Variants in CRPPA observed in about 807,000 individuals in gnomAD.
CRPPA encodes the protein CDP-L-ribitol pyrophosphorylase A, also known as D-ribitol-5-phosphate cytidylyltransferase.
In CRPPA, 43 loss-of-function variants were observed where a neutral mutation model predicts 52.0. The ratio of observed to expected loss-of-function variants is 0.83; its 90% CI spans 0.65 to 1.07. The LOEUF (loss-of-function observed/expected upper bound fraction) is 1.07, where lower values mean the gene tolerates loss of function less well. Ranked by LOEUF, CRPPA falls within the 50% of genes least tolerant of loss-of-function variation. The pLI is 0.00. For missense variants in CRPPA, 629 were observed against 551.7 expected (o/e 1.14, Z -1.40); for synonymous variants, 250 against 203.5 (o/e 1.23, Z -1.94).
At chr7:16,399,356 T>C (rs1245181014) in intron 2 of CRPPA, among the ~76,000 whole-genome samples, 1 of 150,216 alleles carries the variant, frequency 6.7e-6, no homozygotes, top group African/African-American at 2.5e-5. Flanking sequence ...ATGACTGACA[T>C]GATTGACGTG....
At chr7:16,268,154 T>C (rs1312758459) in intron 6 of CRPPA, among the ~76,000 whole-genome samples, 1 of 151,888 alleles carries the variant, frequency 6.6e-6, no homozygotes, top group East Asian at 1.9e-4. Flanking sequence ...ATTGATATTG[T>C]ACTGCAAATG....
At chr7:16,223,032 C>G (rs887512515) in intron 8 of CRPPA, among the ~76,000 whole-genome samples, 13 of 152,114 alleles carry the variant, frequency 8.5e-5, no homozygotes, top group African/African-American at 3.1e-4. Flanking sequence ...TGGCTCATTC[C>G]TGTAATCCCA....
intron 9 of CRPPA, among the ~76,000 whole-genome samples, chr7:16,185,252 T>C (rs904326003): frequency 3.9e-5 from 6 of 152,272 alleles, no homozygotes; most frequent in Admixed American, 6.5e-5. Context: ...GAAACTCCCC[T>C]TTATAAAACC....
At chr7:16,206,909 T>A (rs1426139500) in intron 9 of CRPPA, among the ~76,000 whole-genome samples, 1 of 152,126 alleles carries the variant, frequency 6.6e-6, no homozygotes, top group East Asian at 1.9e-4. Flanking sequence ...GAAGTTTGAA[T>A]CTTAATTAAA....
chr7:16,164,939 G>A (rs535905860), intron 9 of CRPPA, among the ~76,000 whole-genome samples: 112 of 152,112 alleles, frequency 7.4e-4, no homozygotes, highest in Admixed American at 1.1e-3. Context: ...GGAGGTGTAT[G>A]TCGACTCCTG....
In CRPPA at chr7:16,260,165, C is replaced by T. The variant is rs189960631; in HGVS notation, c.934-1153G>A. On this transcript the variant is annotated intron_variant, in intron 6 of 9. Coordinates refer to ENST00000407010, the MANE Select transcript of CRPPA (RefSeq NM_001101426.4). ...TACAGGGAGACAATTTTTCAAAAGT[C>T]CTTCATGTATTCAAACATTTTCAAA... Among the ~76,000 whole-genome samples the T allele has an allele frequency of 3.9e-5, 6 of 152,146 alleles. No homozygotes were observed. In the East Asian group the frequency reaches 1.2e-3, roughly 29 times the overall value.
chr7:16,204,209 C>T (rs1166976616), intron 9 of CRPPA, among the ~76,000 whole-genome samples: 1 of 152,000 alleles, frequency 6.6e-6, no homozygotes, highest in Non-Finnish European at 1.5e-5. Context: ...TACACACTTC[C>T]ATCTACAATG....
chr7:16,407,924 T>C (rs990885558), intron 1 of CRPPA, among the ~76,000 whole-genome samples: 21 of 151,808 alleles, frequency 1.4e-4, no homozygotes, highest in African/African-American at 2.4e-4. Context: ...CTGGCCAACA[T>C]AGTGAAACTC....
chr7:16,357,820 A>G (rs1218102562), intron 3 of CRPPA, among the ~76,000 whole-genome samples: 1 of 152,140 alleles, frequency 6.6e-6, no homozygotes, highest in Non-Finnish European at 1.5e-5. Context: ...GAAGGAACAT[A>G]CCCTCTCCAT....
chr7:16,392,890 A>G (rs941650241), intron 2 of CRPPA, among the ~76,000 whole-genome samples: 11 of 152,146 alleles, frequency 7.2e-5, no homozygotes, highest in African/African-American at 2.2e-4. Flanking sequence ...ACTCCAAGTA[A>G]GAATCTCTTA....
intron 9 of CRPPA, among the ~76,000 whole-genome samples, chr7:16,115,513 G>A (rs534341104): frequency 6.6e-6 from 1 of 152,260 alleles, no homozygotes; most frequent in East Asian, 1.9e-4. Context: ...ATATTTCCTA[G>A]TCCTGTTCAC....
chr7:16,248,295 T>C (rs930398703), intron 8 of CRPPA, among the ~76,000 whole-genome samples: 2 of 152,268 alleles, frequency 1.3e-5, no homozygotes, highest in Admixed American at 6.5e-5. Flanking sequence ...GCCATAATCA[T>C]GTCACTGCAA....
In CRPPA at chr7:16,318,785, C is replaced by T. The variant is rs538962282; in HGVS notation, c.685-10158G>A. 2.0e-5 allele frequency among the ~76,000 whole-genome samples: 3 copies of T among 152,226 alleles called. No homozygotes were observed. The East Asian group carries it at 5.8e-4, about 30-fold the overall frequency. On this transcript the variant is annotated intron_variant, in intron 3 of 9. Coordinates refer to ENST00000407010, the MANE Select transcript of CRPPA (RefSeq NM_001101426.4). ...TCACATCTGGTAAAAATCTCACTTC[C>T]AAAGCAAGTCAGGCAAGCAAATCAA...
intron 3 of CRPPA, among the ~76,000 whole-genome samples, chr7:16,354,289 G>A (rs558589635): frequency 6.6e-6 from 1 of 152,230 alleles, no homozygotes. Context: ...CATTCAATAT[G>A]TAGCTCACTT....
chr7:16,198,513 C>G (rs7812252), intron 9 of CRPPA, among the ~76,000 whole-genome samples: 28,723 of 113,018 alleles, frequency 0.25, 4,104 homozygotes, highest in South Asian at 0.43. Flanking sequence ...CACAGATGAT[C>G]AATAAATACT....
At chr7:16,308,831 A>T (rs1188065318) in intron 3 of CRPPA, among the ~76,000 whole-genome samples, 1 of 152,210 alleles carries the variant, frequency 6.6e-6, no homozygotes, top group Non-Finnish European at 1.5e-5. Context: ...CGTGAAGCAA[A>T]ACAAATAGTG....
intron 9 of CRPPA, among the ~76,000 whole-genome samples, chr7:16,139,622 A>G (rs1167834120): frequency 6.6e-6 from 1 of 152,204 alleles, no homozygotes; most frequent in Admixed American, 6.5e-5. Flanking sequence ...TAAAATAGAA[A>G]TGCTATCTAG....
In CRPPA at chr7:16,278,183, T is replaced by C; in HGVS notation, c.879A>G (p.Glu293=). The C allele has an allele frequency of 6.3e-7, 1 of 1,584,322 alleles. No individual in the cohort carries two copies. The highest frequency in any genetic ancestry group is 8.6e-7 in the Non-Finnish European group (1 of 1,159,878). The change falls in exon 6 of 10, where the codon GAA becomes GAG. Residue 293 remains glutamate (E), a synonymous_variant. Coordinates refer to ENST00000407010, the MANE Select transcript of CRPPA (RefSeq NM_001101426.4). The part of the protein sequence containing the change: ...QEICVVMDTE[E]DNKHVGHLLE... ...GAAGATGACCTACATGTTTGTTATC[T>C]TCTTCTGTATCCATAACTACACAAA...
chr7:16,322,256 A>G (rs1221670813), intron 3 of CRPPA, among the ~76,000 whole-genome samples: 1 of 152,180 alleles, frequency 6.6e-6, no homozygotes, highest in African/African-American at 2.4e-5. Context: ...GTTGTTATGT[A>G]GTGGCACAAC....
Sources: allele counts gnomAD v4.1 joint callset (sites outside exome capture counted in the v4.1 genomes callset), GRCh38; gene constraint gnomAD v4.1.1; transcripts MANE v1.5; gene names NCBI Gene and HGNC (gene_info 2026-07-23, HGNC 2026-07-21).